FOXP2: variants seen among roughly 807,000 people sequenced by gnomAD.
FOXP2 encodes forkhead box protein P2.
In FOXP2, 12 loss-of-function variants were observed where a neutral mutation model predicts 115.8. The ratio of observed to expected loss-of-function variants is 0.10; its 90% CI spans 0.07 to 0.17. The LOEUF is 0.17. FOXP2 is among the 10% of genes least tolerant of loss of function. FOXP2 has a pLI of 1.00. For missense variants in FOXP2, 629 were observed against 843.5 expected (o/e 0.75, Z 3.15); for synonymous variants, 328 against 297.7 (o/e 1.10, Z -1.05).
At chr7:114,246,551 T>G (rs1795289895) in intron 1 of FOXP2, among the ~76,000 whole-genome samples, 2 of 152,156 alleles carry the variant, frequency 1.3e-5, no homozygotes, top group African/African-American at 4.8e-5. Context: ...GAACTTATGG[T>G]ATTGAGTACA....
At chr7:114,243,078 C>T (rs1180473494) in intron 1 of FOXP2, among the ~76,000 whole-genome samples, 1 of 152,022 alleles carries the variant, frequency 6.6e-6, no homozygotes, top group East Asian at 1.9e-4. Flanking sequence ...ATCCATACTA[C>T]ATTGTATTGA....
At chr7:114,136,653 A>G (rs1307765133) in intron 1 of FOXP2, among the ~76,000 whole-genome samples, 1 of 151,730 alleles carries the variant, frequency 6.6e-6, no homozygotes. Flanking sequence ...TTGTAAGGCC[A>G]TTTAGATAAA....
At chr7:114,404,095 G>A (rs1256555188) in intron 2 of FOXP2, among the ~76,000 whole-genome samples, 1 of 152,100 alleles carries the variant, frequency 6.6e-6, no homozygotes, top group South Asian at 2.1e-4. Context: ...TTCATTAAAT[G>A]GGTAAACAGC....
At chr7:114,176,229 G>T (rs28706455) in intron 1 of FOXP2, among the ~76,000 whole-genome samples, 1,162 of 99,418 alleles carry the variant, frequency 0.012, 11 homozygotes, top group African/African-American at 0.039. Context: ...GTCTTGTCTT[G>T]TCTTTTCTTT....
chr7:114,642,812 A>ATATATTTTTTTTTT (rs1308357594), intron 7 of FOXP2, among the ~76,000 whole-genome samples, 189 bp downstream of exon 7: 4 of 72,436 alleles, frequency 5.5e-5, no homozygotes, highest in African/African-American at 2.1e-4. Context: ...ATATATATAT[A>ATATATTTTTTTTTT]TTTTTTTTTT....
intron 1 of FOXP2, among the ~76,000 whole-genome samples, chr7:114,256,846 A>G: frequency 6.6e-6 from 1 of 152,246 alleles, no homozygotes; most frequent in Non-Finnish European, 1.5e-5. Flanking sequence ...GAAAGAATCA[A>G]TATAGTGAAA....
chr7:114,264,799 G>A (rs1425195611), intron 1 of FOXP2, among the ~76,000 whole-genome samples: 1 of 152,122 alleles, frequency 6.6e-6, no homozygotes, highest in Non-Finnish European at 1.5e-5. Context: ...GGGGGAAGGC[G>A]AAGCAAGAGC....
chr7:114,271,251 C>A (rs1796028721), intron 1 of FOXP2, among the ~76,000 whole-genome samples: 1 of 151,172 alleles, frequency 6.6e-6, no homozygotes, highest in South Asian at 2.1e-4. Context: ...TATTTTTTCC[C>A]AATATGTATA....
chr7:114,241,283 A>G (rs1795144696), intron 1 of FOXP2, among the ~76,000 whole-genome samples: 1 of 152,064 alleles, frequency 6.6e-6, no homozygotes, highest in African/African-American at 2.4e-5. Flanking sequence ...CTCTTTTTGT[A>G]TGCTCATTCA....
At chr7:114,250,160 G>A (rs1366356271) in intron 1 of FOXP2, among the ~76,000 whole-genome samples, 3 of 152,050 alleles carry the variant, frequency 2.0e-5, no homozygotes, top group African/African-American at 7.2e-5. Context: ...ATTCCATGGT[G>A]TATATGTGCC....
At chr7:114,258,155 C>T (rs1216416658) in intron 1 of FOXP2, among the ~76,000 whole-genome samples, 1 of 151,904 alleles carries the variant, frequency 6.6e-6, no homozygotes, top group Non-Finnish European at 1.5e-5. Flanking sequence ...GAAGCTGTGG[C>T]AATAATACAC....
chr7:114,451,303 A>G (rs1230032338), intron 2 of FOXP2, among the ~76,000 whole-genome samples: 1 of 152,024 alleles, frequency 6.6e-6, no homozygotes, highest in Non-Finnish European at 1.5e-5. Flanking sequence ...GAGCAAATAT[A>G]TTGGTGTTAA....
chr7:114,110,025 A>C lies in FOXP2; in HGVS notation c.-247+22187A>C, dbSNP rs537822210. Among the ~76,000 whole-genome samples the C allele has an allele frequency of 5.9e-5, 9 of 152,286 alleles. No homozygotes were observed. In the South Asian group the frequency reaches 8.3e-4, roughly 14 times the overall value. On this transcript the variant is annotated intron_variant, in intron 1 of 19. Transcript: ENST00000635638. ...CAACAACAAAAAAAGTCTTCTGTGC[A>C]TAAGTAAAGTTCCACATTTTGTCTC...
At chr7:114,296,964 T>C (rs1796754375) in intron 2 of FOXP2, 1 of 220,126 alleles carries the variant, frequency 4.5e-6, no homozygotes, top group Non-Finnish European at 9.0e-6. Flanking sequence ...TAAATGTGTA[T>C]AGTTAATTTT....
chr7:114,673,482 T>C (rs1215416194), intron 16 of FOXP2, among the ~76,000 whole-genome samples: 1 of 152,228 alleles, frequency 6.6e-6, no homozygotes, highest in Non-Finnish European at 1.5e-5. Context: ...AAATTGACTC[T>C]ACAGCAAAAC....
chr7:114,322,986 T>C (rs1310681821), intron 2 of FOXP2, among the ~76,000 whole-genome samples: 2 of 152,204 alleles, frequency 1.3e-5, no homozygotes, highest in Non-Finnish European at 2.9e-5. Flanking sequence ...AAGGCATGAG[T>C]TCTTTGGCAG....
intron 2 of FOXP2, among the ~76,000 whole-genome samples, chr7:114,474,341 T>A (rs1320482937): frequency 2.0e-5 from 3 of 152,190 alleles, no homozygotes; most frequent in African/African-American, 7.2e-5. Context: ...CACATTGGCA[T>A]ATGTAACTTA....
chr7:114,106,476 G>A (rs779772889), intron 1 of FOXP2, among the ~76,000 whole-genome samples: 1 of 151,530 alleles, frequency 6.6e-6, no homozygotes, highest in South Asian at 2.1e-4. Flanking sequence ...GAGCATCCTC[G>A]TATCTGACCC....
intron 1 of FOXP2, among the ~76,000 whole-genome samples, chr7:114,125,692 G>T (rs1378819359): frequency 1.3e-5 from 2 of 152,082 alleles, no homozygotes; most frequent in African/African-American, 4.8e-5. Context: ...AGTGAATCAT[G>T]ACTTCTGCCC....
Sources: gnomAD v4.1 joint callset for allele counts (sites outside exome capture counted in the v4.1 genomes callset) on GRCh38, gnomAD v4.1.1 for gene constraint, MANE v1.5 for transcripts, NCBI Gene and HGNC (gene_info 2026-07-23, HGNC 2026-07-21) for gene names.